The following TPTE variants were observed in gnomAD, a reference collection of about 807,000 sequenced individuals.
The protein encoded by TPTE is transmembrane phosphatase with tensin homology.
A neutral mutation model predicts 84.1 loss-of-function variants in TPTE; 59 were observed. That is an observed-to-expected ratio of 0.70 (90% CI 0.57 to 0.87). The LOEUF (loss-of-function observed/expected upper bound fraction) is 0.87. Among genes scored for constraint, TPTE ranks in the 40% least tolerant of loss-of-function variants. The pLI is 0.00. For synonymous variants in TPTE, 130 were observed against 223.5 expected (o/e 0.58, Z 3.73); for missense variants, 382 against 659.6 (o/e 0.58, Z 4.61).
At chr21:10,566,280 T>G (rs2074919588) in intron 10 of TPTE, among the ~76,000 whole-genome samples, 1 of 152,306 alleles carries the variant, frequency 6.6e-6, no homozygotes, top group Non-Finnish European at 1.5e-5. Context: ...ATTAGAGAAA[T>G]TCTCAGTGTA....
Position 10,541,105 on chromosome 21 carries a change from C to G in TPTE, c.12-7C>G. 6.2e-7 allele frequency: 1 copy of G among 1,612,964 alleles called. No homozygotes were observed. Among genetic ancestry groups the G allele is most frequent in the Non-Finnish European group, 8.5e-7 (1 of 1,179,086 alleles). ...TGGGTCTGACTCTGACCATATTTGTCCTTTAGTCCTGATCCGACTGACCTG... is the reference window on the plus strand; with the variant it reads ...TGGGTCTGACTCTGACCATATTTGTGCTTTAGTCCTGATCCGACTGACCTG... On this transcript the variant is annotated splice_region_variant and splice_polypyrimidine_tract_variant and intron_variant, in intron 4 of 23. Coordinates refer to ENST00000618007, the MANE Select transcript of TPTE (RefSeq NM_199261.4).
At chr21:10,586,076 C>A (rs1387444523) in intron 17 of TPTE, among the ~76,000 whole-genome samples, 1 of 152,284 alleles carries the variant, frequency 6.6e-6, no homozygotes, top group East Asian at 1.9e-4. Flanking sequence ...TTTATTTCAT[C>A]AATTACTATT....
rs201429700 is a variant in TPTE at position 10,561,424 on chromosome 21, A to T, written c.446+233A>T. ...GGAGAATCGTTTGAACCTGGGAGGC[A>T]GAAGTTGCATTGAGCCGAGATCATG... is the stretch of plus-strand genomic sequence containing the variant. On this transcript the variant is annotated intron_variant, in intron 10 of 23. Transcript: ENST00000618007. Among the ~76,000 whole-genome samples the T allele has an allele frequency of 2.0e-3, 297 of 152,188 alleles. No individual in the cohort carries two copies. The East Asian group carries it at 0.02, about 10-fold the overall frequency.
At chr21:10,548,762 G>C (rs533493856) in intron 7 of TPTE, among the ~76,000 whole-genome samples, 96 of 152,384 alleles carry the variant, frequency 6.3e-4, no homozygotes, top group Non-Finnish European at 1.2e-3. Context: ...ATGAGCAGCT[G>C]TGTACCCACA....
At chr21:10,524,153 A>C (rs1359960680) in intron 1 of TPTE, among the ~76,000 whole-genome samples, 1 of 152,304 alleles carries the variant, frequency 6.6e-6, no homozygotes, top group Non-Finnish European at 1.5e-5. Flanking sequence ...GTAAAGACCT[A>C]GAGGTGAGGT....
At chr21:10,568,094 A>G (rs210522) in intron 11 of TPTE, among the ~76,000 whole-genome samples, 10,724 of 138,178 alleles carry the variant, frequency 0.078, 1 homozygote, top group African/African-American at 0.23. Context: ...GTTCTCGTCA[A>G]ATTCCCATTT....
chr21:10,537,072 G>C (rs1283980973), intron 3 of TPTE, among the ~76,000 whole-genome samples: 2 of 152,424 alleles, frequency 1.3e-5, no homozygotes, highest in Non-Finnish European at 2.9e-5. Context: ...GAGCAGAGAA[G>C]ACACCTATAA....
intron 23 of TPTE, among the ~76,000 whole-genome samples, chr21:10,604,712 C>T (rs1979058152): frequency 6.6e-6 from 1 of 152,308 alleles, no homozygotes; most frequent in South Asian, 2.1e-4. Flanking sequence ...GATGCTGCTC[C>T]TCAAAAGTGG....
At chr21:10,542,922 C>T (rs1490494923) in intron 6 of TPTE, among the ~76,000 whole-genome samples, 1 of 152,124 alleles carries the variant, frequency 6.6e-6, no homozygotes, top group Non-Finnish European at 1.5e-5. Flanking sequence ...ACTCAGATTT[C>T]TGATAGGAAT....
At chr21:10,584,391 C>CAGTG (rs2075324988) in intron 17 of TPTE, among the ~76,000 whole-genome samples, 4 of 151,344 alleles carry the variant, frequency 2.6e-5, no homozygotes, top group Admixed American at 2.6e-4. Flanking sequence ...GGCTGGAATG[C>CAGTG]AGTGGCATGA....
At chr21:10,528,032 T>C (rs2074110621) in intron 3 of TPTE, among the ~76,000 whole-genome samples, 1 of 152,308 alleles carries the variant, frequency 6.6e-6, no homozygotes, top group Non-Finnish European at 1.5e-5. Context: ...TGTATTTAAA[T>C]CTTGATTCAT....
At chr21:10,594,988 A>T (rs1363371636) in intron 19 of TPTE, among the ~76,000 whole-genome samples, 19 of 152,394 alleles carry the variant, frequency 1.2e-4, no homozygotes, top group African/African-American at 4.3e-4. Flanking sequence ...ACTTTAATCA[A>T]CATTTCCCAA....
rs370472854 is a variant in TPTE at position 10,605,378 on chromosome 21, G to T, written c.1521-39G>T. ...ACCCAACTGTGTGGCTTTTCAGTGA[G>T]CCCCAATATAAAATGTAATAATTTT... On this transcript the variant is annotated intron_variant, in intron 23 of 23. Coordinates refer to ENST00000618007, the MANE Select transcript of TPTE (RefSeq NM_199261.4). 74 of 1,605,262 alleles carry T rather than the reference G, an allele frequency of 4.6e-5. No individual in the cohort carries two copies. In the African/African-American group the frequency reaches 9.0e-4, roughly 20 times the overall value.
chr21:10,538,885 A>G (rs755384436), intron 4 of TPTE, 151 bp downstream of exon 4: 3 of 1,555,234 alleles, frequency 1.9e-6, no homozygotes, highest in Admixed American at 1.7e-5. Flanking sequence ...TAACAAATCC[A>G]TGCATACAGT....
At chr21:10,538,575 C>G in intron 3 of TPTE, 106 bp from the exon 4 acceptor site, 1 of 1,538,416 alleles carries the variant, frequency 6.5e-7, no homozygotes, top group Non-Finnish European at 8.9e-7. Flanking sequence ...CATGAATAGT[C>G]AGAACTTAAC....
At chr21:10,594,513 T>C (rs1348888151) in intron 19 of TPTE, among the ~76,000 whole-genome samples, 1 of 152,310 alleles carries the variant, frequency 6.6e-6, no homozygotes, top group Non-Finnish European at 1.5e-5. Flanking sequence ...AAGTCCATGT[T>C]GTTTTAAGTT....
intron 21 of TPTE, among the ~76,000 whole-genome samples, 159 bp from the exon 22 acceptor site, chr21:10,601,899 C>T (rs1373051600): frequency 1.3e-5 from 2 of 152,424 alleles, no homozygotes; most frequent in East Asian, 3.9e-4. Flanking sequence ...AACAGTATTG[C>T]AACTAGAAGA....
Position 10,602,134 on chromosome 21 carries a change from T to G in TPTE, c.1433T>G (p.Val478Gly). 1 of 1,612,992 alleles carries G rather than the reference T, an allele frequency of 6.2e-7. No individual in the cohort carries two copies. Among genetic ancestry groups the G allele is most frequent in the Non-Finnish European group, 8.5e-7 (1 of 1,178,938 alleles). Residue 478 changes from valine (V) to glycine (G), a missense_variant, in exon 22 of 24, where the codon GTG (valine) becomes GGG (glycine). Physicochemically the swap from Val to Gly is moderately radical, Grantham distance 109. This residue lies in a region of TPTE where 13 missense variants were observed against 46.7 expected (regional missense o/e 0.28). Transcript: ENST00000618007. ...CTACCTCTGTATGATGATGTGAAAG[T>G]GCAGTTTTTCTATTCGGTGAGTAAT... ...DGLPLYDDVK[V>G]QFFYSNLPTY...
At chr21:10,573,201 T>A (rs1347466177) in intron 14 of TPTE, among the ~76,000 whole-genome samples, 1 of 152,308 alleles carries the variant, frequency 6.6e-6, no homozygotes, top group Admixed American at 6.5e-5. Context: ...GTAGCCATAC[T>A]TATCAGATAA....
Sources: allele counts gnomAD v4.1 joint callset (sites outside exome capture counted in the v4.1 genomes callset), GRCh38; gene constraint gnomAD v4.1.1; regional missense constraint gnomAD v4.1.1; transcripts MANE v1.5; gene names NCBI Gene and HGNC (gene_info 2026-07-23, HGNC 2026-07-21).